The following LDAH variants were observed in gnomAD, a reference collection of about 807,000 sequenced individuals.
The protein encoded by LDAH is lipid droplet-associated hydrolase.
Under a neutral mutation model 29.6 loss-of-function variants are expected in LDAH, and 26 were observed. That is an observed-to-expected ratio of 0.88 (90% CI 0.64 to 1.22). The LOEUF (loss-of-function observed/expected upper bound fraction) is 1.22, where lower values mean the gene tolerates loss of function less well. Among genes scored for constraint, LDAH ranks in the 50% most tolerant of loss-of-function variants. The pLI is 0.00. For missense variants in LDAH, 344 were observed against 387.3 expected (o/e 0.89, Z 0.94); for synonymous variants, 117 against 133.0 (o/e 0.88, Z 0.83).
intron 1 of LDAH, among the ~76,000 whole-genome samples, chr2:20,818,041 C>T (rs1465334297): frequency 4.6e-5 from 7 of 152,050 alleles, no homozygotes; most frequent in African/African-American, 9.7e-5. Context: ...ATCTTGATTA[C>T]GGTAGTTATA....
At chr2:20,798,901 C>G (rs143960762) in intron 2 of LDAH, among the ~76,000 whole-genome samples, 2,009 of 151,630 alleles carry the variant, frequency 0.013, 26 homozygotes, top group Non-Finnish European at 0.021. Context: ...CAAAAGACAA[C>G]TGAAGAAGAA....
At chr2:20,705,451 T>C (rs1664234148) in intron 5 of LDAH, among the ~76,000 whole-genome samples, 1 of 152,136 alleles carries the variant, frequency 6.6e-6, no homozygotes, top group Non-Finnish European at 1.5e-5. Context: ...TTCTGGAAAA[T>C]TTTCTTTTAT....
At chr2:20,727,445 T>C (rs904167334) in intron 5 of LDAH, among the ~76,000 whole-genome samples, 8 of 152,296 alleles carry the variant, frequency 5.3e-5, no homozygotes, top group African/African-American at 1.9e-4. Flanking sequence ...AAAAAGCTAA[T>C]TCCATATTAA....
rs755518491 is a variant in LDAH at position 20,790,254 on chromosome 2, C to A, written c.298+1G>T. On this transcript the variant is annotated splice_donor_variant, in intron 3 of 6. Coordinates refer to ENST00000237822, the MANE Select transcript of LDAH (RefSeq NM_021925.4). LOFTEE classifies it high-confidence loss of function. ...GAAAGTAGATATTAACAAGGACATACCCTCTGATGTTGTAAGAATCTTCTT... is the reference window on the plus strand; with the variant it reads ...GAAAGTAGATATTAACAAGGACATAACCTCTGATGTTGTAAGAATCTTCTT... The A allele has an allele frequency of 1.9e-6, 3 of 1,613,956 alleles. No individual in the cohort carries two copies. In the South Asian group the frequency reaches 3.3e-5, roughly 18 times the overall value.
chr2:20,759,930 T>C (rs1243148446), intron 4 of LDAH, among the ~76,000 whole-genome samples: 1 of 152,224 alleles, frequency 6.6e-6, no homozygotes, highest in Non-Finnish European at 1.5e-5. Flanking sequence ...CCTACCACTA[T>C]TAACCTCTTG....
At chr2:20,810,947 C>A (rs577429793) in intron 1 of LDAH, among the ~76,000 whole-genome samples, 3 of 152,092 alleles carry the variant, frequency 2.0e-5, no homozygotes, top group African/African-American at 7.2e-5. Flanking sequence ...CATCACTCCC[C>A]ACTCCCCACC....
At chr2:20,701,754 G>C in intron 5 of LDAH, 102 bp from the exon 6 acceptor site, 2 of 1,029,458 alleles carry the variant, frequency 1.9e-6, no homozygotes, top group Non-Finnish European at 1.5e-6. Flanking sequence ...CTTTTGGCAC[G>C]TGCTATCTGA....
intron 5 of LDAH, among the ~76,000 whole-genome samples, chr2:20,710,075 G>A (rs7558383): frequency 0.033 from 5,065 of 152,160 alleles, 248 homozygotes; most frequent in African/African-American, 0.11. Context: ...AGAAATTAAT[G>A]CAATTAATTA....
intron 5 of LDAH, among the ~76,000 whole-genome samples, chr2:20,710,606 GTATA>G (rs1467339981): frequency 7.6e-6 from 1 of 131,874 alleles, no homozygotes; most frequent in Non-Finnish European, 1.6e-5. Context: ...GTGTGTGTGT[GTATA>G]TATATATATA....
rs1475059476 is a variant in LDAH, at chr2:20,685,847, G to T, written c.*1056C>A. 5.4e-6 allele frequency: 3 copies of T among 554,774 alleles called. No individual in the cohort carries two copies. In the East Asian group the frequency reaches 1.0e-4, roughly 19 times the overall value. 34.4% of individuals were successfully genotyped at this position (554,774 alleles called of 1,614,324 possible). A position where few individuals can be genotyped will look rare whatever the true frequency, so the allele number is the denominator to read the frequency against. On this transcript the variant is annotated 3_prime_UTR_variant, in exon 7 of 7. Coordinates refer to ENST00000237822, the MANE Select transcript of LDAH (RefSeq NM_021925.4). Reference sequence around the variant, plus strand: ...TCACATAACTTAATGGCTGGGTTTGGTTCATTAACAAAATAATTTCTTTCC... The same window carrying T: ...TCACATAACTTAATGGCTGGGTTTGTTTCATTAACAAAATAATTTCTTTCC...
rs545165486 is a variant in LDAH at position 20,749,798 on chromosome 2, T to G, written c.469-9593A>C. ...AAGTGTATAAGTCCCCATATCAGCT[T>G]TGATAACAGAACAGGTTAGGATCTG... On this transcript the variant is annotated intron_variant, in intron 4 of 6. Transcript: ENST00000237822. Among the ~76,000 whole-genome samples the G allele has an allele frequency of 2.0e-3, 301 of 152,214 alleles. 2 individuals are homozygous for G. Among genetic ancestry groups the G allele is most frequent in the African/African-American group, 7.0e-3 (290 of 41,534 alleles).
intron 5 of LDAH, among the ~76,000 whole-genome samples, chr2:20,735,205 A>G (rs971061103): frequency 6.6e-6 from 1 of 152,142 alleles, no homozygotes; most frequent in Admixed American, 6.5e-5. Flanking sequence ...ATTTCTTTGA[A>G]CACTTTTCCA....
chr2:20,689,833 C>T (rs562406656), intron 6 of LDAH, among the ~76,000 whole-genome samples: 42 of 152,270 alleles, frequency 2.8e-4, no homozygotes, highest in Middle Eastern at 3.4e-3. Flanking sequence ...GGCATGCTCT[C>T]GCCTCAAGAT....
chr2:20,804,157 C>T (rs1406219276), intron 1 of LDAH, among the ~76,000 whole-genome samples: 5 of 152,144 alleles, frequency 3.3e-5, no homozygotes, highest in African/African-American at 1.2e-4. Context: ...GCCACACTTT[C>T]CCACAGCACC....
chr2:20,766,906 G>A (rs1458295237), intron 4 of LDAH, among the ~76,000 whole-genome samples: 1 of 152,336 alleles, frequency 6.6e-6, no homozygotes, highest in South Asian at 2.1e-4. Flanking sequence ...CTGTGCCTCA[G>A]GAGGGGGCTC....
Position 20,774,842 on chromosome 2 carries a change from G to A in LDAH, c.436C>T (p.Leu146Phe). 1 of 1,613,312 alleles carries A rather than the reference G, an allele frequency of 6.2e-7. No individual in the cohort carries two copies. The highest frequency in any genetic ancestry group is 8.5e-7 in the Non-Finnish European group (1 of 1,179,944). Residue 146 changes from leucine (L) to phenylalanine (F), a missense_variant, in exon 4 of 7, where the codon CTT becomes TTT. Coordinates refer to ENST00000237822, the MANE Select transcript of LDAH (RefSeq NM_021925.4). ...IGHSIGSYFT[L>F]QMLKRVPELP... Reference sequence around the variant, plus strand: ...TCAGGGACTCGCTTCAGCATCTGAAGTGTGAAATAGCTGCCTATTGAATGG... The same window carrying A: ...TCAGGGACTCGCTTCAGCATCTGAAATGTGAAATAGCTGCCTATTGAATGG...
At chr2:20,691,702 G>A (rs1265908504) in intron 6 of LDAH, among the ~76,000 whole-genome samples, 1 of 152,196 alleles carries the variant, frequency 6.6e-6, no homozygotes, top group African/African-American at 2.4e-5. Context: ...TTGATAAAAA[G>A]TATACATTAT....
intron 4 of LDAH, among the ~76,000 whole-genome samples, chr2:20,757,338 C>A (rs918290057): frequency 2.0e-5 from 3 of 151,980 alleles, no homozygotes; most frequent in African/African-American, 7.3e-5. Context: ...AGGACTATAC[C>A]CTAGAAGTAA....
chr2:20,720,896 C>G (rs927341210), intron 5 of LDAH, among the ~76,000 whole-genome samples: 1 of 152,092 alleles, frequency 6.6e-6, no homozygotes, highest in African/African-American at 2.4e-5. Context: ...AGGATAGTCT[C>G]TCTAATAAAC....
Sources: allele counts gnomAD v4.1 joint callset (sites outside exome capture counted in the v4.1 genomes callset), GRCh38; gene constraint gnomAD v4.1.1; transcripts MANE v1.5; gene names NCBI Gene and HGNC (gene_info 2026-07-23, HGNC 2026-07-21).